PPP1R9A: variants seen among roughly 807,000 people sequenced by gnomAD.
PPP1R9A encodes the protein neurabin-1.
In PPP1R9A, 59 loss-of-function variants were observed where a neutral mutation model predicts 141.9. That is an observed-to-expected ratio of 0.42 (90% CI 0.34 to 0.52). PPP1R9A has a LOEUF of 0.52. Ranked by LOEUF, PPP1R9A falls within the 20% of genes least tolerant of loss-of-function variation. The probability of loss-of-function intolerance (pLI) is 0.10; values close to 1 mark genes in which losing one functional copy is unlikely to be tolerated. For synonymous variants in PPP1R9A, 500 were observed against 569.7 expected (o/e 0.88, Z 1.74); for missense variants, 1,444 against 1,611.9 (o/e 0.90, Z 1.78).
Position 94,911,337 on chromosome 7 carries a change from C to G in PPP1R9A, c.1224C>G (p.Ser408=), listed in dbSNP as rs762283904. ...HSDYNVYRVR[S]RYNSDWGETG... ...ACTATAATGTGTATAGGGTGAGATC[C>G]AGGTATAATTCAGACTGGGGAGAGA... The change falls in exon 2 of 20, where the codon TCC becomes TCG. Residue 408 remains serine (S), a synonymous_variant. Coordinates refer to ENST00000433360, the MANE Select transcript of PPP1R9A (RefSeq NM_001166160.2). 1.2e-6 allele frequency: 2 copies of G among 1,613,842 alleles called. No homozygotes were observed. The highest frequency in any genetic ancestry group is 1.3e-5 in the African/African-American group (1 of 74,864).
chr7:94,924,330 T>C (rs1394878206), intron 2 of PPP1R9A, among the ~76,000 whole-genome samples: 1 of 152,152 alleles, frequency 6.6e-6, no homozygotes, highest in Non-Finnish European at 1.5e-5. Flanking sequence ...CTTGTGGAAT[T>C]TTTATCTTGC....
rs148430613 is a variant in PPP1R9A, at chr7:94,950,205, A to T, written c.1395+38697A>T. Among the ~76,000 whole-genome samples the T allele has an allele frequency of 3.5e-3, 539 of 152,202 alleles. 3 individuals are homozygous for T. The highest frequency in any genetic ancestry group is 0.012 in the African/African-American group (506 of 41,554). On this transcript the variant is annotated intron_variant, in intron 2 of 19. Transcript: ENST00000433360. Reference sequence around the variant, plus strand: ...TGAGTGAGATTTCTGTCATTCTTGGAATATGAAATTTATATATAGTTTGGT... The same window carrying T: ...TGAGTGAGATTTCTGTCATTCTTGGTATATGAAATTTATATATAGTTTGGT...
intron 2 of PPP1R9A, among the ~76,000 whole-genome samples, chr7:95,012,869 G>A (rs140749343): frequency 6.6e-6 from 1 of 152,308 alleles, no homozygotes; most frequent in Non-Finnish European, 1.5e-5. Flanking sequence ...CCTTCACAAA[G>A]TGAGTCCTTT....
intron 2 of PPP1R9A, among the ~76,000 whole-genome samples, chr7:94,933,019 C>T (rs982857114): frequency 5.4e-5 from 8 of 147,918 alleles, no homozygotes; most frequent in Non-Finnish European, 1.1e-4. Context: ...ACAATTTAGG[C>T]ATACACACAT....
At chr7:95,031,398 T>C (rs1176790398) in intron 2 of PPP1R9A, among the ~76,000 whole-genome samples, 3 of 152,206 alleles carry the variant, frequency 2.0e-5, no homozygotes, top group Non-Finnish European at 4.4e-5. Flanking sequence ...CATAAAGTGA[T>C]AATTTTAATT....
At chr7:95,083,866 A>G (rs1816261848) in intron 2 of PPP1R9A, among the ~76,000 whole-genome samples, 1 of 152,062 alleles carries the variant, frequency 6.6e-6, no homozygotes, top group South Asian at 2.1e-4. Context: ...AAGGAGTTCA[A>G]TGAACCCAAC....
chr7:94,908,016 G>A (rs1313491294), intron 1 of PPP1R9A: 2 of 149,720 alleles, frequency 1.3e-5, no homozygotes, highest in African/African-American at 4.8e-5. Context: ...AGCGGGTTGC[G>A]GTGTACCCAG....
intron 5 of PPP1R9A, among the ~76,000 whole-genome samples, chr7:95,189,021 A>G (rs1475695171): frequency 6.6e-6 from 1 of 152,002 alleles, no homozygotes; most frequent in African/African-American, 2.4e-5. Context: ...TCTTTGAAAA[A>G]TCCTTTATCT....
chr7:94,927,267 A>G (rs1793598212), intron 2 of PPP1R9A, among the ~76,000 whole-genome samples: 1 of 152,174 alleles, frequency 6.6e-6, no homozygotes, highest in African/African-American at 2.4e-5. Context: ...GGCCCTTGAT[A>G]ATATCCTCTT....
chr7:95,033,407 G>A (rs1019944274), intron 2 of PPP1R9A, among the ~76,000 whole-genome samples: 4 of 151,886 alleles, frequency 2.6e-5, no homozygotes, highest in African/African-American at 9.7e-5. Context: ...ATTTATATAT[G>A]TAGTTTGACT....
intron 7 of PPP1R9A, among the ~76,000 whole-genome samples, chr7:95,208,694 A>G (rs1791386180): frequency 6.6e-6 from 1 of 151,754 alleles, no homozygotes; most frequent in Non-Finnish European, 1.5e-5. Context: ...ACGGCACTCC[A>G]TCCTGGGCCA....
chr7:94,982,275 C>T (rs1800223203), intron 2 of PPP1R9A, among the ~76,000 whole-genome samples: 1 of 152,126 alleles, frequency 6.6e-6, no homozygotes, highest in East Asian at 1.9e-4. Flanking sequence ...AATAGTGCCA[C>T]AGTAAACATA....
intron 2 of PPP1R9A, among the ~76,000 whole-genome samples, chr7:95,074,607 T>G (rs999688968): frequency 6.6e-6 from 1 of 151,762 alleles, no homozygotes; most frequent in Non-Finnish European, 1.5e-5. Context: ...CCCGAATAGG[T>G]GGGATTACAG....
rs1389812282 is a variant in PPP1R9A at position 95,291,399 on chromosome 7, T to C, written c.*1096T>C. On this transcript the variant is annotated 3_prime_UTR_variant, in exon 20 of 20. Transcript: ENST00000433360. ...TAGAGGAAACTGTCAGTTAACATTTTAGAGAGATTTTGAATGGTTTTTCCG... is the reference window on the plus strand; with the variant it reads ...TAGAGGAAACTGTCAGTTAACATTTCAGAGAGATTTTGAATGGTTTTTCCG... The C allele has an allele frequency of 6.6e-6, 1 of 152,244 alleles. No homozygotes were observed. The highest frequency in any genetic ancestry group is 1.5e-5 in the Non-Finnish European group (1 of 68,050). The allele number at this position is 152,244 out of a possible 1,614,324, so 9.4% of individuals were successfully genotyped here.
intron 4 of PPP1R9A, among the ~76,000 whole-genome samples, chr7:95,130,891 C>T (rs1824481163): frequency 6.6e-6 from 1 of 152,168 alleles, no homozygotes; most frequent in Non-Finnish European, 1.5e-5. Flanking sequence ...GCCTGTACCC[C>T]CATTATATCA....
intron 2 of PPP1R9A, among the ~76,000 whole-genome samples, chr7:94,925,344 T>A (rs1793341231): frequency 6.6e-6 from 1 of 152,204 alleles, no homozygotes; most frequent in African/African-American, 2.4e-5. Flanking sequence ...ACATCTAGAA[T>A]AATGTTTGAT....
chr7:95,206,781 A>G (rs1790894978), intron 7 of PPP1R9A, among the ~76,000 whole-genome samples: 1 of 152,202 alleles, frequency 6.6e-6, no homozygotes, highest in African/African-American at 2.4e-5. Context: ...ATTATCGTTA[A>G]TGCTTAAATG....
chr7:95,164,722 GT>G (rs1289474201), intron 5 of PPP1R9A, among the ~76,000 whole-genome samples: 1 of 107,566 alleles, frequency 9.3e-6, no homozygotes, highest in Non-Finnish European at 2.0e-5. Context: ...GATTACCATG[GT>G]TTTTTTTCTT....
chr7:95,260,455 G>A (rs938789137), intron 12 of PPP1R9A, among the ~76,000 whole-genome samples: 1 of 152,116 alleles, frequency 6.6e-6, no homozygotes, highest in African/African-American at 2.4e-5. Flanking sequence ...AAGGCGGGTG[G>A]ATCACCTGAG....
Sources: gnomAD v4.1 joint callset for allele counts (sites outside exome capture counted in the v4.1 genomes callset) on GRCh38, gnomAD v4.1.1 for gene constraint, MANE v1.5 for transcripts, NCBI Gene and HGNC (gene_info 2026-07-23, HGNC 2026-07-21) for gene names.